PRDM5: variants seen among roughly 807,000 people sequenced by gnomAD.
The protein encoded by PRDM5 is PR domain zinc finger protein 5.
Under a neutral mutation model 81.2 loss-of-function variants are expected in PRDM5, and 56 were observed. That is an observed-to-expected ratio of 0.69 (90% CI 0.56 to 0.86). The LOEUF (loss-of-function observed/expected upper bound fraction) is 0.86. Among genes scored for constraint, PRDM5 ranks in the 40% least tolerant of loss-of-function variants. PRDM5 has a pLI of 0.00. For synonymous variants in PRDM5, 267 were observed against 256.4 expected, an observed-to-expected ratio of 1.04 and a Z score of -0.39; for missense variants, 697 against 770.1, an observed-to-expected ratio of 0.91 and a Z score of 1.12.
chr4:120,734,290 C>CA (rs141658269), intron 14 of PRDM5, among the ~76,000 whole-genome samples: 5,383 of 151,668 alleles, frequency 0.035, 123 homozygotes, highest in African/African-American at 0.06. Context: ...TTGATCAAAG[C>CA]AATCTTTATA....
chr4:120,770,995 A>G (rs1747207094), intron 13 of PRDM5, among the ~76,000 whole-genome samples: 1 of 152,128 alleles, frequency 6.6e-6, no homozygotes, highest in Non-Finnish European at 1.5e-5. Flanking sequence ...TCTTACAAAA[A>G]TATATCCTTC....
chr4:120,704,907 A>G (rs1735894924), intron 15 of PRDM5, among the ~76,000 whole-genome samples: 1 of 152,236 alleles, frequency 6.6e-6, no homozygotes, highest in African/African-American at 2.4e-5. Flanking sequence ...AGTGAAAAGA[A>G]TTCACAAAAG....
chr4:120,717,037 TC>T (rs1403784066), intron 14 of PRDM5, among the ~76,000 whole-genome samples: 2 of 148,142 alleles, frequency 1.4e-5, no homozygotes, highest in Non-Finnish European at 3.0e-5. Context: ...TGACTTCTGT[TC>T]CTGCTCCTTT....
intron 3 of PRDM5, among the ~76,000 whole-genome samples, chr4:120,844,343 CAT>C (rs1758405992): frequency 6.6e-6 from 1 of 152,136 alleles, no homozygotes; most frequent in Non-Finnish European, 1.5e-5. Context: ...GCTTCATAGA[CAT>C]TGCATATTTT....
At chr4:120,787,496 G>A (rs1170124868) in intron 10 of PRDM5, among the ~76,000 whole-genome samples, 1 of 152,138 alleles carries the variant, frequency 6.6e-6, no homozygotes, top group African/African-American at 2.4e-5. Flanking sequence ...CAAAATGTAG[G>A]GGAAAACACA....
chr4:120,864,430 C>A (rs536148455), intron 2 of PRDM5, among the ~76,000 whole-genome samples: 6 of 152,216 alleles, frequency 3.9e-5, no homozygotes, highest in African/African-American at 1.4e-4. Flanking sequence ...TCAGGACAGG[C>A]AAACTTAATG....
intron 15 of PRDM5, among the ~76,000 whole-genome samples, chr4:120,704,555 T>G (rs1339830955): frequency 1.3e-5 from 2 of 152,242 alleles, no homozygotes; most frequent in Non-Finnish European, 2.9e-5. Context: ...AAATTCTAGA[T>G]AAGTATCTTC....
At chr4:120,711,823 A>G (rs570689512) in intron 14 of PRDM5, among the ~76,000 whole-genome samples, 1 of 152,198 alleles carries the variant, frequency 6.6e-6, no homozygotes, top group African/African-American at 2.4e-5. Flanking sequence ...TCTTTTTATC[A>G]CCATCTTTTT....
At chr4:120,840,032 G>A (rs573557541) in intron 3 of PRDM5, among the ~76,000 whole-genome samples, 4 of 152,228 alleles carry the variant, frequency 2.6e-5, no homozygotes, top group Non-Finnish European at 5.9e-5. Context: ...GGGAGCGGGA[G>A]CAGGCATTTC....
At chr4:120,917,610 A>C (rs951003340) in intron 1 of PRDM5, among the ~76,000 whole-genome samples, 1 of 151,864 alleles carries the variant, frequency 6.6e-6, no homozygotes, top group Non-Finnish European at 1.5e-5. Flanking sequence ...TTGTTAAATG[A>C]ATGTGTAAAA....
At chr4:120,908,928 A>T (rs1766165792) in intron 1 of PRDM5, among the ~76,000 whole-genome samples, 1 of 152,194 alleles carries the variant, frequency 6.6e-6, no homozygotes, top group South Asian at 2.1e-4. Flanking sequence ...ACAGCCCCAA[A>T]GAGGCTTTCT....
At chr4:120,780,434 ACT>A (rs1748877118) in intron 12 of PRDM5, among the ~76,000 whole-genome samples, 1 of 151,894 alleles carries the variant, frequency 6.6e-6, no homozygotes, top group Non-Finnish European at 1.5e-5. Flanking sequence ...ACAGAGCGAG[ACT>A]CTGTCTCCAA....
rs1365380507 is a variant in PRDM5 at position 120,754,610 on chromosome 4, A to G, written c.1566T>C (p.Cys522=). The part of the protein sequence containing the change: ...TGERPYQCPY[C]EKGFSKNDGL... ...CATCATTTTTACTGAATCCTTTTTC[A>G]CAGTAAGGACATTGATAGGGACGCT... The change falls in exon 14 of 16, where the codon TGT becomes TGC. Residue 522 remains cysteine (C), a synonymous_variant. Transcript: ENST00000264808. 3 of 1,601,628 alleles carry G rather than the reference A, an allele frequency of 1.9e-6. No individual in the cohort carries two copies. Among genetic ancestry groups the G allele is most frequent in the African/African-American group, 2.7e-5 (2 of 74,618 alleles).
chr4:120,900,824 C>CT (rs1349884145), intron 2 of PRDM5, among the ~76,000 whole-genome samples: 3 of 151,860 alleles, frequency 2.0e-5, no homozygotes, highest in African/African-American at 7.3e-5. Context: ...GTATTTATTG[C>CT]TTAAAAAAAA....
chr4:120,817,955 CT>C (rs1465688053), intron 5 of PRDM5, among the ~76,000 whole-genome samples: 2 of 151,946 alleles, frequency 1.3e-5, no homozygotes, highest in Non-Finnish European at 1.5e-5. Flanking sequence ...ATTTCTTAAA[CT>C]TTTTTTTAAA....
At position 120,816,905 on chromosome 4, in the gene PRDM5, T is replaced by A. The variant is rs1064794819; in HGVS notation, c.670A>T (p.Lys224Ter). Residue 224 changes from lysine (K) to a stop codon, truncating the protein, a stop_gained, in exon 6 of 16, where the codon AAA (lysine) becomes TAA (stop). Coordinates refer to ENST00000264808, the MANE Select transcript of PRDM5 (RefSeq NM_018699.4). LOFTEE classifies it high-confidence loss of function. Reference sequence around the variant, plus strand: ...CGCGAAGACTCCTTTAGACTGCTTTTCGCTGTGCACTGAAGAACACTAAAG... The same window carrying A: ...CGCGAAGACTCCTTTAGACTGCTTTACGCTGTGCACTGAAGAACACTAAAG... ...LQRHVLQCTA[K>*]SSLKESSRSF... 5.6e-6 allele frequency: 9 copies of A among 1,613,264 alleles called. No homozygotes were observed. In the Middle Eastern group the frequency reaches 5.0e-4, roughly 89 times the overall value.
intron 14 of PRDM5, among the ~76,000 whole-genome samples, chr4:120,728,913 A>G (rs1739845500): frequency 1.3e-5 from 2 of 152,234 alleles, no homozygotes; most frequent in Admixed American, 1.3e-4. Flanking sequence ...AAGCAGAACT[A>G]AAGGAGAGAC....
At chr4:120,761,118 G>A (rs1052514132) in intron 13 of PRDM5, among the ~76,000 whole-genome samples, 4 of 152,206 alleles carry the variant, frequency 2.6e-5, no homozygotes, top group African/African-American at 9.6e-5. Flanking sequence ...CTTGAAGTAA[G>A]TGTATCCAAA....
intron 13 of PRDM5, among the ~76,000 whole-genome samples, chr4:120,776,866 C>A (rs1346263532): frequency 6.6e-6 from 1 of 152,122 alleles, no homozygotes; most frequent in Non-Finnish European, 1.5e-5. Flanking sequence ...CAAGTTGATG[C>A]CCTTAACTAT....
Sources: allele counts gnomAD v4.1 joint callset (sites outside exome capture counted in the v4.1 genomes callset), GRCh38; gene constraint gnomAD v4.1.1; transcripts MANE v1.5; gene names NCBI Gene and HGNC (gene_info 2026-07-23, HGNC 2026-07-21).